The following IFI16 variants were observed in gnomAD, a reference collection of about 807,000 sequenced individuals.
The protein encoded by IFI16 is gamma-interferon-inducible protein 16.
In IFI16, 49 loss-of-function variants were observed where a neutral mutation model predicts 68.4. The ratio of observed to expected loss-of-function variants is 0.72; its 90% CI spans 0.57 to 0.91. The LOEUF is 0.91. Ranked by LOEUF, IFI16 falls within the 40% of genes least tolerant of loss-of-function variation. The pLI is 0.00. For missense variants in IFI16, 878 were observed against 942.9 expected (o/e 0.93, Z 0.90); for synonymous variants, 307 against 315.0 (o/e 0.97, Z 0.27).
intron 8 of IFI16, among the ~76,000 whole-genome samples, chr1:159,047,015 T>C (rs1027314787): frequency 2.0e-5 from 3 of 151,188 alleles, no homozygotes; most frequent in African/African-American, 7.3e-5. Flanking sequence ...CCCTGATACC[T>C]CTGTATGACC....
chr1:159,031,629 G>A (rs1009525479), intron 6 of IFI16, among the ~76,000 whole-genome samples: 2 of 152,296 alleles, frequency 1.3e-5, no homozygotes, highest in African/African-American at 4.8e-5. Context: ...GAGGATGTAT[G>A]TTCATGGGTG....
chr1:159,034,352 G>A (rs1654188451), intron 7 of IFI16, among the ~76,000 whole-genome samples: 1 of 152,092 alleles, frequency 6.6e-6, no homozygotes, highest in Non-Finnish European at 1.5e-5. Flanking sequence ...TATTTACAAG[G>A]TATGCGTTCA....
intron 2 of IFI16, 36 bp from the exon 3 acceptor site, chr1:159,015,836 C>A: frequency 6.8e-7 from 1 of 1,466,914 alleles, no homozygotes; most frequent in South Asian, 1.2e-5. Flanking sequence ...TTCCTTTTTT[C>A]TGCATTGGTT....
chr1:159,014,767 G>A lies in IFI16; in HGVS notation c.87G>A (p.Leu29=), dbSNP rs763783463. The A allele has an allele frequency of 1.9e-6, 3 of 1,611,918 alleles. No homozygotes were observed. The highest frequency in any genetic ancestry group is 2.5e-6 in the Non-Finnish European group (3 of 1,178,014). The change falls in exon 2 of 12, where the codon CTG becomes CTA. Residue 29 remains leucine (L), a synonymous_variant. Coordinates refer to ENST00000295809, the MANE Select transcript of IFI16 (RefSeq NM_001376587.1). ...DYHFRMVKSL[L]SNDLKLNLKM... ...ATTTTAGAATGGTTAAGTCCTTACT[G>A]AGCAACGATTTAAAACTTAATTTAA... is the stretch of plus-strand genomic sequence containing the variant.
In IFI16 at chr1:159,051,180, C is replaced by T. The variant is rs190318421; in HGVS notation, c.1666-499C>T. Among the ~76,000 whole-genome samples the T allele has an allele frequency of 1.7e-3, 260 of 152,124 alleles. 1 individual carries two copies. Among genetic ancestry groups the T allele is most frequent in the Middle Eastern group, 6.8e-3 (2 of 294 alleles). On this transcript the variant is annotated intron_variant, in intron 9 of 11. Coordinates refer to ENST00000295809, the MANE Select transcript of IFI16 (RefSeq NM_001376587.1). ...ACTTTGAATTGGAGGGGCTGCTGATCTGGAAGAGGAAGTATGGAGGCAAGA... is the reference window on the plus strand; with the variant it reads ...ACTTTGAATTGGAGGGGCTGCTGATTTGGAAGAGGAAGTATGGAGGCAAGA...
At chr1:159,042,649 T>C (rs1654728122) in intron 7 of IFI16, among the ~76,000 whole-genome samples, 1 of 152,220 alleles carries the variant, frequency 6.6e-6, no homozygotes, top group Non-Finnish European at 1.5e-5. Context: ...TATTTTCTCA[T>C]TGTTTGCCTT....
At chr1:159,041,651 A>G (rs1182933690) in intron 7 of IFI16, among the ~76,000 whole-genome samples, 3 of 152,298 alleles carry the variant, frequency 2.0e-5, no homozygotes, top group Admixed American at 2.0e-4. Flanking sequence ...TACAACACAG[A>G]TAGATCCAAG....
At chr1:159,046,052 A>G (rs1186120264) in intron 8 of IFI16, among the ~76,000 whole-genome samples, 2 of 151,288 alleles carry the variant, frequency 1.3e-5, no homozygotes, top group Non-Finnish European at 3.0e-5. Context: ...TATATCTTGA[A>G]CTGCCATTCA....
rs1460757866 is a variant in IFI16, at chr1:159,018,562, A to G, written c.883A>G (p.Ile295Val). The G allele has an allele frequency of 6.2e-7, 1 of 1,613,920 alleles. No homozygotes were observed. The highest frequency in any genetic ancestry group is 1.1e-5 in the South Asian group (1 of 91,074). The change falls in exon 5 of 12, where the codon ATC (isoleucine) becomes GTC (valine). Residue 295 changes from isoleucine to valine, a missense_variant. By Grantham distance (29) the Ile-to-Val change is conservative. This residue lies in a region of IFI16 where 443 missense variants were observed against 421.8 expected (regional missense o/e 1.05). Coordinates refer to ENST00000295809, the MANE Select transcript of IFI16 (RefSeq NM_001376587.1). Reference sequence around the variant, plus strand: ...AACGTTTGAGGTTCCAAATAAAATCATCAACAGAGCAAAGGAAACTCTGAA... The same window carrying G: ...AACGTTTGAGGTTCCAAATAAAATCGTCAACAGAGCAAAGGAAACTCTGAA... ...NQTFEVPNKI[I>V]NRAKETLKID...
At chr1:159,054,248 G>A (rs1169154736) in intron 11 of IFI16, among the ~76,000 whole-genome samples, 2 of 152,192 alleles carry the variant, frequency 1.3e-5, no homozygotes, top group Non-Finnish European at 2.9e-5. Flanking sequence ...GACAGAGGTA[G>A]CTGGGTCTAC....
At chr1:159,043,474 C>T (rs1173628188) in intron 7 of IFI16, among the ~76,000 whole-genome samples, 3 of 152,176 alleles carry the variant, frequency 2.0e-5, no homozygotes, top group Admixed American at 6.5e-5. Context: ...ACATACACCA[C>T]GTAGTCATTT....
Position 159,041,123 on chromosome 1 carries a change from C to A in IFI16, c.1330-4174C>A, listed in dbSNP as rs555495426. Among the ~76,000 whole-genome samples the A allele has an allele frequency of 2.0e-5, 3 of 152,132 alleles. No homozygotes were observed. In the East Asian group the frequency reaches 5.8e-4, roughly 29 times the overall value. On this transcript the variant is annotated intron_variant, in intron 7 of 11. Transcript: ENST00000295809. ...CCTACCACTTTTTCAGCTAACGGTG[C>A]GATAGAATTATATTAGTGAAAGCCA...
chr1:159,017,029 C>T (rs1303298309), intron 4 of IFI16, among the ~76,000 whole-genome samples: 2 of 152,178 alleles, frequency 1.3e-5, no homozygotes, highest in East Asian at 3.8e-4. Flanking sequence ...CCATGTCAGA[C>T]CTCTCCAGCA....
At chr1:159,024,070 G>C in intron 6 of IFI16, among the ~76,000 whole-genome samples, 1 of 152,202 alleles carries the variant, frequency 6.6e-6, no homozygotes, top group East Asian at 1.9e-4. Context: ...CTGGCCCTCT[G>C]GGCTACCATG....
chr1:159,042,003 T>A (rs1252478041), intron 7 of IFI16, among the ~76,000 whole-genome samples: 2 of 152,214 alleles, frequency 1.3e-5, no homozygotes, highest in Non-Finnish European at 2.9e-5. Flanking sequence ...ATAAGCAATG[T>A]GTCCATTTCT....
intron 7 of IFI16, among the ~76,000 whole-genome samples, chr1:159,038,950 T>A (rs1158999870): frequency 6.6e-6 from 1 of 152,202 alleles, no homozygotes; most frequent in Middle Eastern, 3.2e-3. Context: ...CACGTGAGTT[T>A]CCTGGAACCT....
chr1:159,032,583 A>G lies in IFI16; in HGVS notation c.1221A>G (p.Glu407=). The G allele has an allele frequency of 6.2e-7, 1 of 1,612,582 alleles. No homozygotes were observed. ...CCAAGAGCATGAAGCTACCCCAGGA[A>G]CAGCGTCAGCTTCCATATCCTTCAG... ...NDPKSMKLPQ[E]QRQLPYPSEA... The change falls in exon 7 of 12, where the codon GAA becomes GAG. Residue 407 remains glutamate (E), a synonymous_variant. Coordinates refer to ENST00000295809, the MANE Select transcript of IFI16 (RefSeq NM_001376587.1).
upstream of IFI16, among the ~76,000 whole-genome samples, chr1:159,004,402 G>A (rs1489036146): frequency 6.6e-6 from 1 of 151,810 alleles, no homozygotes; most frequent in Non-Finnish European, 1.5e-5. Context: ...TTAGTAATTT[G>A]GGGTAAGAAT....
chr1:159,015,887 T>G lies in IFI16; in HGVS notation c.281T>G (p.Leu94Arg). The G allele has an allele frequency of 6.2e-7, 1 of 1,613,154 alleles. No individual in the cohort carries two copies. Among genetic ancestry groups the G allele is most frequent in the Non-Finnish European group, 8.5e-7 (1 of 1,179,102 alleles). The change falls in exon 3 of 12, where the codon CTA becomes CGA. Residue 94 changes from leucine (L) to arginine (R), a missense_variant. Physicochemically the swap from Leu to Arg is moderately radical, Grantham distance 102. Around this residue, in one of 4 missense-constraint regions of IFI16, gnomAD observed 443 missense variants for 421.8 expected, o/e 1.05. Coordinates refer to ENST00000295809, the MANE Select transcript of IFI16 (RefSeq NM_001376587.1). ...KEKLKVKGPALSRKRKKEVDA... is the reference protein window; with the variant it reads ...KEKLKVKGPARSRKRKKEVDA... Reference sequence around the variant, plus strand: ...TCTATTCCAGTAAAAGGACCAGCCCTATCAAGAAAGAGGAAGAAGGAAGTG... The same window carrying G: ...TCTATTCCAGTAAAAGGACCAGCCCGATCAAGAAAGAGGAAGAAGGAAGTG...
Sources: gnomAD v4.1 joint callset for allele counts (sites outside exome capture counted in the v4.1 genomes callset) on GRCh38, gnomAD v4.1.1 for gene constraint, gnomAD v4.1.1 regional missense constraint, MANE v1.5 for transcripts, NCBI Gene and HGNC (gene_info 2026-07-23, HGNC 2026-07-21) for gene names.